ATXN7: variants seen among roughly 807,000 people sequenced by gnomAD.
ATXN7 encodes the protein ataxin-7.
ATXN7 carries 12 observed loss-of-function variants against 70.5 expected under a neutral mutation model. The observed-to-expected ratio is 0.17, with a 90% CI of 0.11 to 0.28. ATXN7 has a LOEUF of 0.28. Among genes scored for constraint, ATXN7 ranks in the 10% least tolerant of loss-of-function variants. The pLI, the probability that ATXN7 is intolerant of heterozygous loss-of-function variation, is 1.00. For synonymous variants in ATXN7, 498 were observed against 448.7 expected (o/e 1.11, Z -1.39); for missense variants, 1,256 against 1,131.7 (o/e 1.11, Z -1.58).
chr3:63,865,249 T>C (rs959558751), intron 1 of ATXN7: 6 of 152,260 alleles, frequency 3.9e-5, no homozygotes, highest in African/African-American at 1.4e-4. Context: ...TTTAGTCATA[T>C]TATGTGAGAC....
At chr3:63,863,416 C>T (rs936785710), upstream of ATXN7, 2 of 1,080,452 alleles carry the variant, frequency 1.9e-6, no homozygotes, top group South Asian at 9.0e-5. Context: ...ACCCGGACTC[C>T]CTCTGGTCCC....
chr3:63,863,509 A>G, upstream of ATXN7: 6 of 1,186,724 alleles, frequency 5.1e-6, no homozygotes, highest in Non-Finnish European at 6.3e-6. Flanking sequence ...CACACCCTAT[A>G]GCCCCGCGCT....
chr3:63,996,617 TAAAA>T (rs752406394), intron 12 of ATXN7, 134 bp downstream of exon 12: 4,825 of 201,590 alleles, frequency 0.024, 2 homozygotes, highest in East Asian at 0.046. Flanking sequence ...GGTGTCTTCT[TAAAA>T]AAAAAAAAAA....
At chr3:63,970,444 T>TC (rs1559650782) in intron 5 of ATXN7, among the ~76,000 whole-genome samples, 2 of 152,184 alleles carry the variant, frequency 1.3e-5, no homozygotes, top group African/African-American at 4.8e-5. Flanking sequence ...GCTGAGGTGA[T>TC]CAACTGTTGT....
chr3:63,985,497 C>G (rs117614724), intron 8 of ATXN7, among the ~76,000 whole-genome samples: 1 of 152,178 alleles, frequency 6.6e-6, no homozygotes, highest in Admixed American at 6.5e-5. Flanking sequence ...TTTTCCTTGC[C>G]TTCACGTTGG....
At chr3:63,996,510 G>A (rs1340901818) in intron 12 of ATXN7, 27 bp downstream of exon 12, 8 of 1,605,498 alleles carry the variant, frequency 5.0e-6, no homozygotes, top group Non-Finnish European at 6.8e-6. Context: ...GAGCCCCATG[G>A]GAATGCCCAT....
At chr3:63,995,438 G>A in intron 11 of ATXN7, 67 bp from the exon 12 acceptor site, 1 of 1,552,532 alleles carries the variant, frequency 6.4e-7, no homozygotes, top group Non-Finnish European at 8.8e-7. Context: ...AAAGAGGGTG[G>A]TGCCATCTGA....
intron 12 of ATXN7, chr3:63,996,759 A>G (rs2075767530): frequency 4.5e-6 from 2 of 444,034 alleles, no homozygotes; most frequent in African/African-American, 1.9e-5. Flanking sequence ...TGCAGAAAGC[A>G]TCGGTTGTGA....
intron 5 of ATXN7, among the ~76,000 whole-genome samples, chr3:63,978,260 G>T (rs186884354): frequency 0.019 from 2,818 of 152,286 alleles, 44 homozygotes; most frequent in Middle Eastern, 0.044. Flanking sequence ...GGTAGCCAAG[G>T]TTGACAGCCA....
chr3:63,965,577 T>C (rs559422248), intron 5 of ATXN7, among the ~76,000 whole-genome samples: 6 of 152,352 alleles, frequency 3.9e-5, no homozygotes, highest in East Asian at 1.9e-4. Context: ...TATTTTAGTC[T>C]GTAGTATTTT....
In ATXN7 at chr3:63,863,941, GCGCCGCGCCGCGCCGCCGCCGCCGCCGC is replaced by G; in HGVS notation, c.-321_-294del. The G allele has an allele frequency of 5.9e-6, 1 of 168,918 alleles. No individual in the cohort carries two copies. The highest frequency in any genetic ancestry group is 1.0e-5 in the Non-Finnish European group (1 of 97,640). The allele number at this position is 168,918 out of a possible 1,614,324, so 10.5% of individuals were successfully genotyped here. A position where few individuals can be genotyped will look rare whatever the true frequency, so the allele number is the denominator to read the frequency against. On this transcript the variant is annotated 5_prime_UTR_variant, in exon 1 of 13. An upstream open reading frame in the 5' UTR gains an earlier in-frame stop. Transcript: ENST00000674280. ...GGCCGCCTGCTCCGACGCCTGAGCCGCGCCGCGCCGCGCCGCCGCCGCCGCCGCCGCCGCCGCGGGACCCGCGCTCCCC... is the reference window on the plus strand; with the variant it reads ...GGCCGCCTGCTCCGACGCCTGAGCCGCGCCGCCGCGGGACCCGCGCTCCCC...
intron 8 of ATXN7, among the ~76,000 whole-genome samples, chr3:63,987,678 C>T (rs1319253847): frequency 3.3e-5 from 5 of 151,874 alleles, no homozygotes. Context: ...TTAAATGGTC[C>T]AAAGAGGGTT....
intron 2 of ATXN7, among the ~76,000 whole-genome samples, chr3:63,910,900 T>C (rs1215654396): frequency 6.6e-6 from 1 of 152,102 alleles, no homozygotes; most frequent in African/African-American, 2.4e-5. Flanking sequence ...AAACCCTCTC[T>C]AGCAATCCCA....
At chr3:63,915,457 A>G (rs1704225060) in intron 4 of ATXN7, among the ~76,000 whole-genome samples, 1 of 152,334 alleles carries the variant, frequency 6.6e-6, no homozygotes, top group Middle Eastern at 3.4e-3. Context: ...GTGGACCTTT[A>G]TGTTCTCCTA....
intron 4 of ATXN7, among the ~76,000 whole-genome samples, chr3:63,950,812 C>G (rs2074940878): frequency 6.6e-6 from 1 of 152,082 alleles, no homozygotes; most frequent in Non-Finnish European, 1.5e-5. Flanking sequence ...TAAGCGTAGT[C>G]ACAGAAGTCT....
intron 4 of ATXN7, 127 bp downstream of exon 4, chr3:63,913,352 C>T (rs1575885203): frequency 9.8e-7 from 1 of 1,017,752 alleles, no homozygotes; most frequent in Non-Finnish European, 1.5e-6. Flanking sequence ...AAGATGCTGC[C>T]TGAGGAGGGA....
intron 10 of ATXN7, 66 bp from the exon 11 acceptor site, chr3:63,990,672 C>T (rs2075656063): frequency 1.2e-6 from 2 of 1,612,196 alleles, no homozygotes; most frequent in Non-Finnish European, 8.5e-7. Flanking sequence ...CCTGAAGGAT[C>T]TAGAACCCTG....
intron 4 of ATXN7, among the ~76,000 whole-genome samples, chr3:63,913,967 T>A (rs1357432930): frequency 6.6e-6 from 1 of 152,172 alleles, no homozygotes; most frequent in Non-Finnish European, 1.5e-5. Context: ...GCTTTTGTTG[T>A]CTAATACCTG....
At chr3:63,885,440 A>G (rs553238981) in intron 1 of ATXN7, among the ~76,000 whole-genome samples, 20 of 152,300 alleles carry the variant, frequency 1.3e-4, no homozygotes, top group African/African-American at 4.3e-4. Flanking sequence ...ACAGAAGATA[A>G]CAAGTATTGG....
Sources: allele counts gnomAD v4.1 joint callset (sites outside exome capture counted in the v4.1 genomes callset), GRCh38; gene constraint gnomAD v4.1.1; transcripts MANE v1.5; gene names NCBI Gene and HGNC (gene_info 2026-07-23, HGNC 2026-07-21).